The following GALNTL6 variants were observed in gnomAD, a reference collection of about 807,000 sequenced individuals.
The protein encoded by GALNTL6 is polypeptide N-acetylgalactosaminyltransferase like 6.
In GALNTL6, 46 loss-of-function variants were observed where a neutral mutation model predicts 73.7. The observed-to-expected ratio is 0.62, with a 90% CI of 0.49 to 0.80. GALNTL6 has a LOEUF of 0.80. Ranked by LOEUF, GALNTL6 falls within the 30% of genes least tolerant of loss-of-function variation. GALNTL6 has a pLI of 0.00. For missense variants in GALNTL6, 604 were observed against 755.0 expected (o/e 0.80, Z 2.34); for synonymous variants, 259 against 263.7 (o/e 0.98, Z 0.17).
At chr4:172,194,065 C>T (rs1029191783) in intron 2 of GALNTL6, among the ~76,000 whole-genome samples, 1 of 151,988 alleles carries the variant, frequency 6.6e-6, no homozygotes, top group African/African-American at 2.4e-5. Flanking sequence ...TGTTCTGACC[C>T]AAAGCAAAGA....
intron 2 of GALNTL6, among the ~76,000 whole-genome samples, chr4:171,922,014 A>G (rs867593256): frequency 3.9e-5 from 6 of 152,158 alleles, no homozygotes; most frequent in Middle Eastern, 3.4e-3. Context: ...TTGTAATTCT[A>G]TAATATTTAC....
At chr4:173,022,058 G>GGAAA (rs1561091608) in intron 12 of GALNTL6, among the ~76,000 whole-genome samples, 2 of 101,192 alleles carry the variant, frequency 2.0e-5, no homozygotes, top group African/African-American at 7.6e-5. Context: ...AAGGAAGGAA[G>GGAAA]GAAGGAAGGA....
At chr4:172,546,402 A>G (rs1735752736) in intron 5 of GALNTL6, among the ~76,000 whole-genome samples, 2 of 152,088 alleles carry the variant, frequency 1.3e-5, no homozygotes, top group Non-Finnish European at 2.9e-5. Flanking sequence ...TAGTTATACT[A>G]AAAGTCCAGA....
At chr4:172,988,111 C>T (rs563237690) in intron 10 of GALNTL6, among the ~76,000 whole-genome samples, 2 of 152,276 alleles carry the variant, frequency 1.3e-5, no homozygotes, top group African/African-American at 4.8e-5. Context: ...CAGAAGAAGA[C>T]AGGAAGATAT....
chr4:172,673,155 T>A (rs966731373), intron 5 of GALNTL6, among the ~76,000 whole-genome samples: 1 of 152,200 alleles, frequency 6.6e-6, no homozygotes, highest in African/African-American at 2.4e-5. Flanking sequence ...GGGTATTTAG[T>A]GCTTTAAATT....
Position 172,185,342 on chromosome 4 carries a change from T to C in GALNTL6, c.139-44314T>C, listed in dbSNP as rs569368347. Among the ~76,000 whole-genome samples, 12 of 152,344 alleles carry C rather than the reference T, an allele frequency of 7.9e-5. No homozygotes were observed. The East Asian group carries it at 1.2e-3, about 15-fold the overall frequency. ...CTCCAAAAAGGATATTATTTCCTTA[T>C]GTATTTTAGCCAAAGTCAGCAGCAC... On this transcript the variant is annotated intron_variant, in intron 2 of 12. Coordinates refer to ENST00000506823, the MANE Select transcript of GALNTL6 (RefSeq NM_001034845.3).
chr4:172,174,502 A>G (rs2110830809), intron 2 of GALNTL6, among the ~76,000 whole-genome samples: 1 of 152,266 alleles, frequency 6.6e-6, no homozygotes, highest in Non-Finnish European at 1.5e-5. Context: ...AAATTACTTT[A>G]TGTGAAATTT....
chr4:172,796,742 T>C (rs1314056804), intron 5 of GALNTL6, among the ~76,000 whole-genome samples: 1 of 152,228 alleles, frequency 6.6e-6, no homozygotes, highest in Non-Finnish European at 1.5e-5. Flanking sequence ...GCCCATTTCC[T>C]GCATATTTCC....
intron 2 of GALNTL6, among the ~76,000 whole-genome samples, chr4:171,928,821 G>T (rs182897116): frequency 6.6e-6 from 1 of 152,292 alleles, no homozygotes; most frequent in African/African-American, 2.4e-5. Flanking sequence ...CAGAGCCTAG[G>T]TGTGTAGCAG....
intron 2 of GALNTL6, among the ~76,000 whole-genome samples, chr4:171,968,087 A>C (rs1048391179): frequency 6.6e-6 from 1 of 152,064 alleles, no homozygotes; most frequent in South Asian, 2.1e-4. Context: ...TTACTATAGC[A>C]GTCTTCTTCT....
At chr4:172,000,709 G>C (rs938923565) in intron 2 of GALNTL6, among the ~76,000 whole-genome samples, 1 of 152,082 alleles carries the variant, frequency 6.6e-6, no homozygotes, top group African/African-American at 2.4e-5. Context: ...CCTGTGCCTT[G>C]TTTCTAAATA....
chr4:172,885,428 T>C (rs1467363786), intron 8 of GALNTL6, among the ~76,000 whole-genome samples: 1 of 152,162 alleles, frequency 6.6e-6, no homozygotes, highest in Non-Finnish European at 1.5e-5. Context: ...AGCAACTTTA[T>C]AGAATTAATT....
intron 10 of GALNTL6, among the ~76,000 whole-genome samples, chr4:172,987,701 C>G (rs990814465): frequency 1.3e-4 from 19 of 151,826 alleles, no homozygotes; most frequent in Non-Finnish European, 1.3e-4. Context: ...ACTTGCTATT[C>G]TCATGATAGT....
At chr4:172,999,781 A>G (rs182251595) in intron 10 of GALNTL6, among the ~76,000 whole-genome samples, 3,448 of 151,352 alleles carry the variant, frequency 0.023, 49 homozygotes, top group African/African-American at 0.029. Context: ...ATATATATAT[A>G]TATAATTTGG....
At chr4:172,485,484 G>A (rs1359446950) in intron 5 of GALNTL6, among the ~76,000 whole-genome samples, 1 of 152,054 alleles carries the variant, frequency 6.6e-6, no homozygotes, top group African/African-American at 2.4e-5. Flanking sequence ...CTAAGTATAT[G>A]TTCTGGGTCG....
At chr4:172,730,804 G>A (rs1279335324) in intron 5 of GALNTL6, among the ~76,000 whole-genome samples, 2 of 152,248 alleles carry the variant, frequency 1.3e-5, no homozygotes, top group South Asian at 2.1e-4. Context: ...GATTGGGCTG[G>A]GCACAGTGGC....
intron 2 of GALNTL6, among the ~76,000 whole-genome samples, chr4:171,867,301 C>T (rs1424104864): frequency 2.0e-5 from 3 of 152,018 alleles, no homozygotes; most frequent in Non-Finnish European, 4.4e-5. Context: ...GACAAAAGGG[C>T]CCTAAAGGTC....
chr4:172,004,706 T>C (rs911273420), intron 2 of GALNTL6, among the ~76,000 whole-genome samples: 34 of 151,964 alleles, frequency 2.2e-4, no homozygotes, highest in Non-Finnish European at 4.4e-4. Flanking sequence ...AGTTAAAACT[T>C]TAGGAGTAGC....
intron 2 of GALNTL6, among the ~76,000 whole-genome samples, chr4:172,071,951 T>C (rs1044750279): frequency 1.3e-5 from 2 of 152,194 alleles, no homozygotes; most frequent in African/African-American, 4.8e-5. Flanking sequence ...AGTCCTCTTA[T>C]TTGGGATCAA....
Sources: allele counts gnomAD v4.1 joint callset (sites outside exome capture counted in the v4.1 genomes callset), GRCh38; gene constraint gnomAD v4.1.1; transcripts MANE v1.5; gene names NCBI Gene and HGNC (gene_info 2026-07-23, HGNC 2026-07-21).